KAZN: variants seen among roughly 807,000 people sequenced by gnomAD.
The protein encoded by KAZN is kazrin.
In KAZN, 40 loss-of-function variants were observed where a neutral mutation model predicts 87.4. The ratio of observed to expected loss-of-function variants is 0.46; its 90% CI spans 0.36 to 0.60. KAZN has a LOEUF of 0.60. Ranked by LOEUF, KAZN falls within the 20% of genes least tolerant of loss-of-function variation. The pLI, the probability that KAZN is intolerant of heterozygous loss-of-function variation, is 0.00. For missense variants in KAZN, 898 were observed against 1,073.9 expected, an observed-to-expected ratio of 0.84 and a Z score of 2.29; for synonymous variants, 466 against 458.3, an observed-to-expected ratio of 1.02 and a Z score of -0.22.
rs555855374 is a variant in KAZN at position 14,671,202 on chromosome 1, C to T, written c.226+71979C>T. Among the ~76,000 whole-genome samples the T allele has an allele frequency of 1.1e-4, 17 of 152,300 alleles. No individual in the cohort carries two copies. In the South Asian group the frequency reaches 3.1e-3, roughly 28 times the overall value. Reference sequence around the variant, plus strand: ...TATCTAGGGTCTCCCTTCTCCACAGCGCATGCTGCTATCTAATATATATTT... The same window carrying T: ...TATCTAGGGTCTCCCTTCTCCACAGTGCATGCTGCTATCTAATATATATTT... On this transcript the variant is annotated intron_variant, in intron 1 of 14. Transcript: ENST00000376030.
chr1:14,389,803 G>A (rs2101084437), intron 2 of KAZN, among the ~76,000 whole-genome samples: 1 of 152,038 alleles, frequency 6.6e-6, no homozygotes, highest in African/African-American at 2.4e-5. Context: ...AGCACAACAG[G>A]GTGATTATAG....
In KAZN at chr1:14,906,171, A is replaced by G. The variant is rs571575145; in HGVS notation, c.227-54513A>G. 3.9e-3 allele frequency among the ~76,000 whole-genome samples: 505 copies of G among 130,888 alleles called. 22 individuals are homozygous for G. The East Asian group carries it at 0.072, about 19-fold the overall frequency. 85.9% of individuals were successfully genotyped at this position (130,888 alleles called of 152,430 possible). ...ACAGATCGAGACTCCATCTCAAAAA[A>G]TATATTATAATAATAATAATAATAA... On this transcript the variant is annotated intron_variant, in intron 1 of 14. Coordinates refer to ENST00000376030, the MANE Select transcript of KAZN (RefSeq NM_201628.3).
chr1:14,338,488 GAA>G lies in KAZN; in HGVS notation c.249+157912_249+157913del, dbSNP rs543667115. Among the ~76,000 whole-genome samples, 14 of 81,614 alleles carry G rather than the reference GAA, an allele frequency of 1.7e-4. No homozygotes were observed. In the East Asian group the frequency reaches 2.9e-3, roughly 17 times the overall value. 53.5% of individuals were successfully genotyped at this position (81,614 alleles called of 152,430 possible). The stretch of plus-strand genomic sequence containing the variant: ...CAACAGAATGAGACTCCATCTTAGA[GAA>G]AAAAAAAAAAAAAAAGAGAGAGAGA... On this transcript the variant is annotated intron_variant, in intron 2 of 16. Transcript: ENST00000636203.
chr1:14,887,451 G>C (rs1024608238), intron 1 of KAZN, among the ~76,000 whole-genome samples: 4 of 152,220 alleles, frequency 2.6e-5, no homozygotes, highest in Non-Finnish European at 4.4e-5. Context: ...GTGTCAGCAA[G>C]CTAGGGGTAC....
chr1:14,212,007 T>G (rs1021535672), intron 2 of KAZN, among the ~76,000 whole-genome samples: 1 of 152,174 alleles, frequency 6.6e-6, no homozygotes, highest in Admixed American at 6.5e-5. Context: ...GAATTTGTGT[T>G]TATCTCAGTG....
At chr1:14,557,648 GTGTGT>G (rs1183538330) in intron 2 of KAZN, among the ~76,000 whole-genome samples, 2 of 144,890 alleles carry the variant, frequency 1.4e-5, no homozygotes, top group Non-Finnish European at 1.5e-5. Flanking sequence ...GTGTGTGTGT[GTGTGT>G]GTGTGTGTGT....
intron 1 of KAZN, among the ~76,000 whole-genome samples, chr1:14,619,809 C>T (rs111945095): frequency 0.011 from 1,721 of 152,302 alleles, 37 homozygotes; most frequent in African/African-American, 0.036. Context: ...TTGTGACTGT[C>T]TTCTTTCACT....
At chr1:14,611,704 A>C (rs1677832772) in intron 1 of KAZN, among the ~76,000 whole-genome samples, 1 of 151,962 alleles carries the variant, frequency 6.6e-6, no homozygotes, top group African/African-American at 2.4e-5. Flanking sequence ...AAAAAAAAAA[A>C]ATTAAGATTT....
chr1:15,034,912 C>T (rs748291466), intron 3 of KAZN, 27 bp downstream of exon 3: 2 of 1,611,662 alleles, frequency 1.2e-6, no homozygotes, highest in Admixed American at 1.7e-5. Context: ...CCCTCCCCTC[C>T]CCTCCCGACA....
intron 1 of KAZN, among the ~76,000 whole-genome samples, chr1:14,907,053 C>T (rs1454158316): frequency 6.6e-6 from 1 of 151,510 alleles, no homozygotes; most frequent in Non-Finnish European, 1.5e-5. Flanking sequence ...ATCAGCAACT[C>T]CTCGGAGTTT....
chr1:14,650,174 A>G (rs1638268644), intron 1 of KAZN, among the ~76,000 whole-genome samples: 1 of 152,044 alleles, frequency 6.6e-6, no homozygotes, highest in Non-Finnish European at 1.5e-5. Flanking sequence ...GAAGTAGGCC[A>G]GCAGGTTTTG....
chr1:15,063,462 C>T (rs1456192611), intron 6 of KAZN, 110 bp from the exon 7 acceptor site: 5 of 914,048 alleles, frequency 5.5e-6, no homozygotes, highest in Non-Finnish European at 9.0e-6. Context: ...CAGGGTGGCC[C>T]CTGAGAGATG....
At chr1:14,816,098 G>T (rs1397462918) in intron 1 of KAZN, among the ~76,000 whole-genome samples, 1 of 152,128 alleles carries the variant, frequency 6.6e-6, no homozygotes. Context: ...CAAGAGGAGG[G>T]TAGGATGGCT....
At chr1:13,912,069 A>G (rs573341255) in intron 1 of KAZN, among the ~76,000 whole-genome samples, 1 of 152,324 alleles carries the variant, frequency 6.6e-6, no homozygotes, top group Admixed American at 6.5e-5. Flanking sequence ...TATGAAGGTT[A>G]TATTAAAATG....
chr1:14,359,712 T>C (rs1659343110), intron 2 of KAZN, among the ~76,000 whole-genome samples: 1 of 152,220 alleles, frequency 6.6e-6, no homozygotes, highest in African/African-American at 2.4e-5. Context: ...TTTGGCTGGA[T>C]ATGAAATTCT....
At chr1:14,954,896 G>A (rs1185523204) in intron 1 of KAZN, among the ~76,000 whole-genome samples, 1 of 152,150 alleles carries the variant, frequency 6.6e-6, no homozygotes, top group African/African-American at 2.4e-5. Context: ...AGCTTGCAGT[G>A]AGCCAAGATC....
chr1:14,399,935 G>A (rs1015737961), intron 2 of KAZN, among the ~76,000 whole-genome samples: 4 of 152,074 alleles, frequency 2.6e-5, no homozygotes, highest in South Asian at 4.2e-4. Flanking sequence ...ATGACTTAAC[G>A]GAGTGACTTT....
chr1:14,443,597 G>C (rs1487252134), intron 2 of KAZN, among the ~76,000 whole-genome samples: 1 of 152,184 alleles, frequency 6.6e-6, no homozygotes, highest in African/African-American at 2.4e-5. Context: ...GTACAATTAT[G>C]GTGTTAACTG....
intron 2 of KAZN, among the ~76,000 whole-genome samples, chr1:14,419,896 C>G (rs568679067): frequency 3.9e-5 from 6 of 152,220 alleles, no homozygotes; most frequent in Admixed American, 3.9e-4. Flanking sequence ...CCCCAAAGAG[C>G]GAGCAACAAT....
Sources: allele counts gnomAD v4.1 joint callset (sites outside exome capture counted in the v4.1 genomes callset), GRCh38; gene constraint gnomAD v4.1.1; transcripts MANE v1.5; gene names NCBI Gene and HGNC (gene_info 2026-07-23, HGNC 2026-07-21).